The following LMF1 variants were observed in gnomAD, a reference collection of about 807,000 sequenced individuals.
The protein encoded by LMF1 is lipase maturation factor 1.
LMF1 carries 68 observed loss-of-function variants against 60.6 expected under a neutral mutation model. The observed-to-expected ratio is 1.12, with a 90% confidence interval of 0.92 to 1.37. The LOEUF is 1.37. Ranked by LOEUF, LMF1 falls within the 40% of genes most tolerant of loss-of-function variation. LMF1 has a pLI of 0.00. For missense variants in LMF1, 948 were observed against 767.2 expected (o/e 1.24, Z -2.78); for synonymous variants, 418 against 324.7 (o/e 1.29, Z -3.09).
intron 3 of LMF1, among the ~76,000 whole-genome samples, chr16:928,795 G>A (rs2071686497): frequency 6.6e-6 from 1 of 152,018 alleles, no homozygotes; most frequent in Non-Finnish European, 1.5e-5. Flanking sequence ...GCCCAGTGGT[G>A]CAAGATGGGG....
intron 5 of LMF1, among the ~76,000 whole-genome samples, chr16:889,506 G>A (rs1307399502): frequency 6.6e-6 from 1 of 152,152 alleles, no homozygotes; most frequent in Admixed American, 6.5e-5. Flanking sequence ...TCCCCGGGGT[G>A]CATGGCTGCC....
intron 3 of LMF1, among the ~76,000 whole-genome samples, chr16:915,211 G>A (rs1469627007): frequency 6.6e-6 from 1 of 152,256 alleles, no homozygotes; most frequent in Non-Finnish European, 1.5e-5. Context: ...GGACATTCAG[G>A]CTGGGCAGGC....
chr16:929,079 C>T (rs2151779171), intron 3 of LMF1, among the ~76,000 whole-genome samples: 1 of 152,280 alleles, frequency 6.6e-6, no homozygotes, highest in African/African-American at 2.4e-5. Context: ...GTGTCTCCTT[C>T]CCCTGGTCAC....
At chr16:870,377 C>T (rs1367545247) in intron 8 of LMF1, among the ~76,000 whole-genome samples, 1 of 152,230 alleles carries the variant, frequency 6.6e-6, no homozygotes, top group Non-Finnish European at 1.5e-5. Context: ...GGGGCTGGCC[C>T]CAGGACAGGG....
upstream of LMF1, among the ~76,000 whole-genome samples, chr16:975,308 G>A (rs1247892078): frequency 6.6e-6 from 1 of 152,194 alleles, no homozygotes; most frequent in East Asian, 1.9e-4. Flanking sequence ...CCTATGTTAG[G>A]AAACGAATGT....
chr16:892,972 G>A (rs759259043), intron 5 of LMF1, 35 bp downstream of exon 5: 12 of 1,499,388 alleles, frequency 8.0e-6, no homozygotes, highest in South Asian at 7.4e-5. Flanking sequence ...GCGTGAGACC[G>A]GGTGCCCTGC....
At chr16:917,372 CCA>C (rs2071310452) in intron 3 of LMF1, among the ~76,000 whole-genome samples, 1 of 108,272 alleles carries the variant, frequency 9.2e-6, no homozygotes, top group Non-Finnish European at 1.8e-5. Flanking sequence ...TGAAGAAATG[CCA>C]CACGTGTGCG....
rs748505887 is a variant in LMF1 at position 854,455 on chromosome 16, TGGGCTGGGCGCA to T, written c.*65_*76del. ...ACGTCTCTCTTGGCGATGCCCAGCTTGGGCTGGGCGCAGGGAAGGGCAAACGTTGCTGAGCCG... is the reference window on the plus strand; with the variant it reads ...ACGTCTCTCTTGGCGATGCCCAGCTTGGGAAGGGCAAACGTTGCTGAGCCG... On this transcript the variant is annotated 3_prime_UTR_variant, in exon 11 of 11. Coordinates refer to ENST00000262301, the MANE Select transcript of LMF1 (RefSeq NM_022773.4). 6.4e-5 allele frequency: 89 copies of T among 1,401,516 alleles called. No homozygotes were observed. The highest frequency in any genetic ancestry group is 8.5e-5 in the Non-Finnish European group (87 of 1,023,550). 86.8% of individuals were successfully genotyped at this position (1,401,516 alleles called of 1,614,324 possible). A position where few individuals can be genotyped will look rare whatever the true frequency, so the allele number is the denominator to read the frequency against.
chr16:875,622 G>C (rs761492695), intron 6 of LMF1, among the ~76,000 whole-genome samples: 28 of 152,152 alleles, frequency 1.8e-4, no homozygotes, highest in Non-Finnish European at 4.0e-4. Flanking sequence ...ACGCTACAGG[G>C]TACACGGGCC....
At chr16:902,865 T>C (rs1596956330) in intron 4 of LMF1, among the ~76,000 whole-genome samples, 2 of 41,986 alleles carry the variant, frequency 4.8e-5, no homozygotes, top group Non-Finnish European at 4.4e-5. Context: ...ACCTCTGCAC[T>C]GCCCACAGGA....
chr16:924,882 G>T (rs1004844051), intron 3 of LMF1, among the ~76,000 whole-genome samples: 4 of 152,270 alleles, frequency 2.6e-5, no homozygotes, highest in African/African-American at 9.6e-5. Flanking sequence ...AGGCAAGGGA[G>T]AGTGAGGAAA....
intron 1 of LMF1, among the ~76,000 whole-genome samples, chr16:966,947 A>G (rs2072936761): frequency 6.6e-6 from 1 of 152,268 alleles, no homozygotes; most frequent in South Asian, 2.1e-4. Context: ...TGCATTGTGT[A>G]CATATACTAT....
chr16:939,275 C>G (rs922734189), intron 2 of LMF1, among the ~76,000 whole-genome samples: 4 of 152,218 alleles, frequency 2.6e-5, no homozygotes, highest in Non-Finnish European at 5.9e-5. Flanking sequence ...GAGCACGAAC[C>G]CTGGGTGCAG....
At chr16:935,717 G>A (rs1544799) in intron 2 of LMF1, among the ~76,000 whole-genome samples, 65,137 of 152,142 alleles carry the variant, frequency 0.43, 16,604 homozygotes, top group African/African-American at 0.71. Flanking sequence ...AGACATTAAG[G>A]AGCAACGTTG....
At chr16:916,754 A>T (rs951422678) in intron 3 of LMF1, among the ~76,000 whole-genome samples, 1 of 152,232 alleles carries the variant, frequency 6.6e-6, no homozygotes, top group Non-Finnish European at 1.5e-5. Flanking sequence ...TCAGAGGGAC[A>T]AGTGCAGGCT....
rs545803579 is a variant in LMF1 at position 920,530 on chromosome 16, T to C, written c.515-9451A>G. Among the ~76,000 whole-genome samples, 19 of 152,178 alleles carry C rather than the reference T, an allele frequency of 1.2e-4. 1 individual carries two copies. The highest frequency in any genetic ancestry group is 2.9e-4 in the African/African-American group (12 of 41,528). ...AGAAAAGGCAGTGAACACGAAGACA[T>C]AGCAGCCACAGTGACTCATTCTAGA... On this transcript the variant is annotated intron_variant, in intron 3 of 10. Coordinates refer to ENST00000262301, the MANE Select transcript of LMF1 (RefSeq NM_022773.4).
At chr16:949,166 CAG>C (rs1164810427) in intron 2 of LMF1, among the ~76,000 whole-genome samples, 3 of 149,604 alleles carry the variant, frequency 2.0e-5, no homozygotes, top group Admixed American at 1.3e-4. Context: ...CAGCCAACGA[CAG>C]AGTCAGCCAA....
chr16:869,956 G>C lies in LMF1; in HGVS notation c.1343C>G (p.Pro448Arg). 1.2e-6 allele frequency: 2 copies of C among 1,613,360 alleles called. No homozygotes were observed. The highest frequency in any genetic ancestry group is 1.7e-6 in the Non-Finnish European group (2 of 1,179,870). ...DYEFKCKPGD[P>R]SRRPCLISPY... The stretch of plus-strand genomic sequence containing the variant: ...GGAGATGAGGCAGGGCCGTCTGCTG[G>C]GGTCACCTGGCTTGCACTTGAACTC... The change falls in exon 9 of 11, where the codon CCC (proline) becomes CGC (arginine). Residue 448 changes from proline to arginine, a missense_variant. Pro to Arg is a moderately radical substitution (Grantham distance 103). Transcript: ENST00000262301.
upstream of LMF1, chr16:981,340 GAGAGAGAGTGTGT>G: frequency 6.5e-6 from 2 of 307,844 alleles, no homozygotes; most frequent in Non-Finnish European, 1.3e-5. Flanking sequence ...GAGAGAGAGA[GAGAGAGAGTGTGT>G]GTGTGTGTGT....
Sources: allele counts gnomAD v4.1 joint callset (sites outside exome capture counted in the v4.1 genomes callset), GRCh38; gene constraint gnomAD v4.1.1; transcripts MANE v1.5; gene names NCBI Gene and HGNC (gene_info 2026-07-23, HGNC 2026-07-21).